Variants in SLC7A6 observed in about 807,000 individuals in gnomAD.
SLC7A6 encodes solute carrier family 7 member 6, also known as Y+L amino acid transporter 2.
A neutral mutation model predicts 46.6 loss-of-function variants in SLC7A6; 29 were observed. The ratio of observed to expected loss-of-function variants is 0.62; its 90% CI spans 0.46 to 0.85. The LOEUF is 0.85. Ranked by LOEUF, SLC7A6 falls within the 40% of genes least tolerant of loss-of-function variation. The pLI, the probability that SLC7A6 is intolerant of heterozygous loss-of-function variation, is 0.00. For synonymous variants in SLC7A6, 276 were observed against 257.3 expected (o/e 1.07, Z -0.70); for missense variants, 527 against 647.6 (o/e 0.81, Z 2.02).
intron 2 of SLC7A6, 42 bp from the exon 3 acceptor site, chr16:68,274,649 C>T: frequency 6.5e-7 from 1 of 1,543,438 alleles, no homozygotes; most frequent in South Asian, 1.2e-5. Context: ...TAGAGCCTCA[C>T]CAGCTCCTGC....
chr16:68,277,878 G>A (rs911435277), intron 3 of SLC7A6, among the ~76,000 whole-genome samples: 25 of 151,772 alleles, frequency 1.6e-4, no homozygotes, highest in African/African-American at 2.4e-4. Context: ...CTGCCCACCC[G>A]GCCTCCCAAA....
At chr16:68,277,599 C>T (rs911480564) in intron 3 of SLC7A6, among the ~76,000 whole-genome samples, 6 of 151,856 alleles carry the variant, frequency 4.0e-5, no homozygotes, top group Admixed American at 3.3e-4. Context: ...GTGTGAGCCA[C>T]GGCGCCCGGC....
Position 68,294,738 on chromosome 16 carries a change from A to C in SLC7A6, c.1056A>C (p.Leu352=). Residue 352 remains leucine (L), a synonymous_variant, in exon 8 of 11, where the codon CTA becomes CTC. Transcript: ENST00000219343. ...LFFVGSREGH[L]PDLLSMIHIE... The stretch of plus-strand genomic sequence containing the variant: ...TCGTGGGCTCCCGGGAGGGCCACCT[A>C]CCGGACCTTCTGTCCATGATCCACA... The C allele has an allele frequency of 6.2e-7, 1 of 1,613,958 alleles. No homozygotes were observed. The highest frequency in any genetic ancestry group is 1.1e-5 in the South Asian group (1 of 91,084).
At chr16:68,296,872 G>T in intron 10 of SLC7A6, 62 bp downstream of exon 10, 1 of 1,564,810 alleles carries the variant, frequency 6.4e-7, no homozygotes, top group Admixed American at 1.8e-5. Context: ...TGCAGAGGTG[G>T]GGGGTGGCTA....
chr16:68,291,801 T>TGTGTGTGTGTGTGTGTGTGTGTGTGTGTG (rs1555532343), intron 7 of SLC7A6, 140 bp downstream of exon 7: 1 of 307,270 alleles, frequency 3.3e-6, no homozygotes, highest in African/African-American at 4.9e-5. Context: ...GTGTGTGTGT[T>TGTGTGTGTGTGTGTGTGTGTGTGTGTGTG]TGGTATGTGG....
Position 68,297,326 on chromosome 16 carries a change from T to G in SLC7A6, c.1546T>G (p.Ter516GluextTer7). ...EEKKDERKTD[*>E] ...AAAAAAGGATGAGAGGAAAACTGAC[T>G]AGAGGTCAGAGGTGGCTTTCTGAGG... The change falls in exon 11 of 11, where the codon TAG (stop) becomes GAG (glutamate). Residue 516 changes from the stop codon to glutamate (E), a stop_lost. Transcript: ENST00000219343. The G allele has an allele frequency of 1.2e-6, 2 of 1,614,048 alleles. No homozygotes were observed.
At chr16:68,294,954 G>T in intron 8 of SLC7A6, 153 bp downstream of exon 8, 2 of 560,838 alleles carry the variant, frequency 3.6e-6, no homozygotes. Context: ...TTCTTTTATG[G>T]TTTTATTACG....
At position 68,299,685 on chromosome 16, in the gene SLC7A6, T is replaced by G. The variant is rs2151236814; in HGVS notation, c.*2357T>G. ...TGTAACAGCACAGTGTTTTGTTTTT[T>G]TCACCCGGTTGCTGTATGAGAATGG... is the stretch of plus-strand genomic sequence containing the variant. On this transcript the variant is annotated 3_prime_UTR_variant, in exon 11 of 11. Coordinates refer to ENST00000219343, the MANE Select transcript of SLC7A6 (RefSeq NM_003983.6). 6.6e-6 allele frequency: 1 copy of G among 152,342 alleles called. No homozygotes were observed. The highest frequency in any genetic ancestry group is 1.9e-4 in the East Asian group (1 of 5,186). 9.4% of individuals were successfully genotyped at this position (152,342 alleles called of 1,614,324 possible). A position where few individuals can be genotyped will look rare whatever the true frequency, so the allele number is the denominator to read the frequency against.
At chr16:68,289,711 T>C (rs1220290217) in intron 4 of SLC7A6, among the ~76,000 whole-genome samples, 3 of 152,176 alleles carry the variant, frequency 2.0e-5, no homozygotes, top group Admixed American at 2.0e-4. Context: ...CTGCAGTCTC[T>C]GAGGCCTCTG....
At chr16:68,269,217 C>A (rs1208100311) in intron 2 of SLC7A6, among the ~76,000 whole-genome samples, 1 of 152,096 alleles carries the variant, frequency 6.6e-6, no homozygotes, top group Non-Finnish European at 1.5e-5. Context: ...ATTTTAAATT[C>A]CTTGTTTGAT....
intron 2 of SLC7A6, among the ~76,000 whole-genome samples, chr16:68,268,662 A>G (rs1305870084): frequency 6.6e-6 from 1 of 152,168 alleles, no homozygotes; most frequent in African/African-American, 2.4e-5. Flanking sequence ...AGTCTGTTAA[A>G]TTCCTTTATT....
chr16:68,284,941 A>C (rs2042900575), intron 3 of SLC7A6, among the ~76,000 whole-genome samples: 1 of 135,464 alleles, frequency 7.4e-6, no homozygotes, highest in African/African-American at 2.9e-5. Context: ...ATGCTATTAC[A>C]GTGCACTATA....
chr16:68,264,913 G>T lies in SLC7A6; in HGVS notation c.-166+337G>T, dbSNP rs2042502316. Among the ~76,000 whole-genome samples the T allele has an allele frequency of 6.6e-6, 1 of 152,122 alleles. No individual in the cohort carries two copies. Among genetic ancestry groups the T allele is most frequent in the Non-Finnish European group, 1.5e-5 (1 of 68,008 alleles). Reference sequence around the variant, plus strand: ...GGAGACCGGGGGTGTGTGTGGAGAGGGAAACCCCAGGTGCGAGGGTGACCG... The same window carrying T: ...GGAGACCGGGGGTGTGTGTGGAGAGTGAAACCCCAGGTGCGAGGGTGACCG... On this transcript the variant is annotated intron_variant, in intron 1 of 10. Transcript: ENST00000219343. The surrounding 1 kb of genome is among the most constrained non-coding windows in gnomAD (Gnocchi z 5.8).
At chr16:68,276,624 G>C (rs1015880536) in intron 3 of SLC7A6, among the ~76,000 whole-genome samples, 14 of 152,180 alleles carry the variant, frequency 9.2e-5, no homozygotes, top group African/African-American at 3.4e-4. Context: ...CTGCTCAGCT[G>C]TATGTCTGAT....
intron 2 of SLC7A6, among the ~76,000 whole-genome samples, chr16:68,269,428 A>G (rs529595587): frequency 1.5e-3 from 234 of 152,288 alleles, no homozygotes; most frequent in African/African-American, 5.4e-3. Context: ...GACTGTTTGT[A>G]TGGGAGTTTG....
chr16:68,275,281 G>A lies in SLC7A6; in HGVS notation c.523+32G>A, dbSNP rs111282396. Reference sequence around the variant, plus strand: ...GGGGGCTGAGATTGGGAGGATGTTGGGGGGTGGGGGGTACTATAATAACGG... The same window carrying A: ...GGGGGCTGAGATTGGGAGGATGTTGAGGGGTGGGGGGTACTATAATAACGG... On this transcript the variant is annotated intron_variant, in intron 3 of 10. Transcript: ENST00000219343. The A allele has an allele frequency of 1.3e-5, 20 of 1,576,928 alleles. No homozygotes were observed. The Admixed American group carries it at 1.9e-4, about 15-fold the overall frequency.
At chr16:68,272,831 A>T (rs1384882397) in intron 2 of SLC7A6, 2 of 152,182 alleles carry the variant, frequency 1.3e-5, no homozygotes, top group African/African-American at 4.8e-5. Context: ...TGGGTAGAAA[A>T]GGCATCCTAG....
chr16:68,301,031 T>C lies in SLC7A6; in HGVS notation c.*3703T>C, dbSNP rs2043263121. 1 of 1,166,298 alleles carries C rather than the reference T, an allele frequency of 8.6e-7. No individual in the cohort carries two copies. Among genetic ancestry groups the C allele is most frequent in the East Asian group, 4.1e-5 (1 of 24,668 alleles). 72.2% of individuals were successfully genotyped at this position (1,166,298 alleles called of 1,614,324 possible). A position where few individuals can be genotyped will look rare whatever the true frequency, so the allele number is the denominator to read the frequency against. Reference sequence around the variant, plus strand: ...AGAAACCTTCCTTTTTTCAACGTTTTTTTTTCTTTCAAACTGTAGGGTCAC... The same window carrying C: ...AGAAACCTTCCTTTTTTCAACGTTTCTTTTTCTTTCAAACTGTAGGGTCAC... On this transcript the variant is annotated 3_prime_UTR_variant, in exon 11 of 11. Transcript: ENST00000219343.
In SLC7A6 at chr16:68,291,568, A is replaced by C. The variant is rs770955907; in HGVS notation, c.929A>C (p.Asp310Ala). The change falls in exon 7 of 11, where the codon GAC becomes GCC. Residue 310 changes from aspartate (D) to alanine (A), a missense_variant. Coordinates refer to ENST00000219343, the MANE Select transcript of SLC7A6 (RefSeq NM_003983.6). Reference sequence around the variant, plus strand: ...GTGCCCTGCCCCCAGACATTTGCTGACCAGACGTTTGGCATGTTCAGCTGG... The same window carrying C: ...GTGCCCTGCCCCCAGACATTTGCTGCCCAGACGTTTGGCATGTTCAGCTGG... ...SSDAVAVTFA[D>A]QTFGMFSWTI... 1 of 1,613,978 alleles carries C rather than the reference A, an allele frequency of 6.2e-7. No individual in the cohort carries two copies. Among genetic ancestry groups the C allele is most frequent in the Admixed American group, 1.7e-5 (1 of 59,982 alleles).
Sources: allele counts gnomAD v4.1 joint callset (sites outside exome capture counted in the v4.1 genomes callset), GRCh38; gene constraint gnomAD v4.1.1; non-coding constraint Gnocchi (gnomAD v3.1); transcripts MANE v1.5; gene names NCBI Gene and HGNC (gene_info 2026-07-23, HGNC 2026-07-21).